MLIP: variants seen among roughly 807,000 people sequenced by gnomAD.
MLIP encodes muscular LMNA-interacting protein.
MLIP carries 79 observed loss-of-function variants against 84.8 expected under a neutral mutation model. The ratio of observed to expected loss-of-function variants is 0.93; its 90% confidence interval spans 0.78 to 1.12. The LOEUF is 1.12. Among genes scored for constraint, MLIP ranks in the 50% most tolerant of loss-of-function variants. The pLI, the probability that MLIP is intolerant of heterozygous loss-of-function variation, is 0.00. For synonymous variants in MLIP, 504 were observed against 463.0 expected (o/e 1.09, Z -1.14); for missense variants, 1,257 against 1,160.6 (o/e 1.08, Z -1.21).
intron 1 of MLIP, among the ~76,000 whole-genome samples, chr6:54,078,438 G>T (rs1205134079): frequency 2.0e-5 from 3 of 151,996 alleles, no homozygotes; most frequent in African/African-American, 7.2e-5. Flanking sequence ...CAAAAAATTA[G>T]CCAGGCATGG....
chr6:54,254,876 C>T (rs1425659819), intron 12 of MLIP, among the ~76,000 whole-genome samples: 1 of 151,192 alleles, frequency 6.6e-6, no homozygotes, highest in Non-Finnish European at 1.5e-5. Flanking sequence ...ACATCAGCCA[C>T]AGTAACTTTT....
At chr6:54,132,178 G>C (rs552844373) in intron 3 of MLIP, among the ~76,000 whole-genome samples, 2 of 152,166 alleles carry the variant, frequency 1.3e-5, no homozygotes, top group Admixed American at 1.3e-4. Flanking sequence ...AAAAGACTGC[G>C]TTTATGATGG....
intron 9 of MLIP, among the ~76,000 whole-genome samples, chr6:54,180,765 G>C (rs747709622): frequency 1.3e-5 from 2 of 152,056 alleles, no homozygotes; most frequent in Non-Finnish European, 2.9e-5. Flanking sequence ...GAATTTCTTT[G>C]AGTAGTCTCA....
rs138759022 is a variant in MLIP at position 54,101,489 on chromosome 6, A to G, written c.64-19958A>G. ...ATGCCCCTTTTATAAAAATAGAACT[A>G]AATTTCATGGAATTTGAGTAAGTTA... On this transcript the variant is annotated intron_variant, in intron 1 of 12. Transcript: ENST00000274897. Among the ~76,000 whole-genome samples the G allele has an allele frequency of 2.4e-3, 369 of 152,236 alleles. 2 individuals are homozygous for G. Among genetic ancestry groups the G allele is most frequent in the African/African-American group, 8.5e-3 (352 of 41,548 alleles).
intron 1 of MLIP, among the ~76,000 whole-genome samples, chr6:54,071,889 G>A (rs892137278): frequency 2.0e-5 from 3 of 152,166 alleles, no homozygotes; most frequent in Non-Finnish European, 4.4e-5. Flanking sequence ...CTGCTTCTTC[G>A]TAGTTCTTTG....
At chr6:54,176,687 A>T (rs1349981681) in intron 9 of MLIP, among the ~76,000 whole-genome samples, 2 of 152,118 alleles carry the variant, frequency 1.3e-5, no homozygotes, top group Non-Finnish European at 2.9e-5. Context: ...TCTTCACAGA[A>T]TTAGAAAAAA....
chr6:54,043,606 AG>A (rs1764870256), intron 1 of MLIP, among the ~76,000 whole-genome samples: 2 of 152,212 alleles, frequency 1.3e-5, no homozygotes, highest in Non-Finnish European at 2.9e-5. Flanking sequence ...ACTGAGCCAG[AG>A]GAATCAGCCT....
chr6:54,236,861 A>C (rs1781399305), intron 12 of MLIP, among the ~76,000 whole-genome samples: 1 of 152,086 alleles, frequency 6.6e-6, no homozygotes, highest in Non-Finnish European at 1.5e-5. Context: ...ATAATATATT[A>C]AATATGTGTC....
intron 13 of MLIP, among the ~76,000 whole-genome samples, chr6:54,259,805 G>A (rs1257851838): frequency 6.6e-6 from 1 of 151,738 alleles, no homozygotes; most frequent in Non-Finnish European, 1.5e-5. Flanking sequence ...AGTAATATTG[G>A]CACATTTTGG....
In MLIP at chr6:54,092,862, G is replaced by A. The variant is rs542374315; in HGVS notation, c.64-28585G>A. ...TATTGCAGGGAAGATGGGCTGCAGA[G>A]TTATTGAATCTATTTTTTTTTTCTT... is the stretch of plus-strand genomic sequence containing the variant. On this transcript the variant is annotated intron_variant, in intron 1 of 12. Coordinates refer to the MLIP transcript ENST00000274897. Among the ~76,000 whole-genome samples, 20 of 152,074 alleles carry A rather than the reference G, an allele frequency of 1.3e-4. No individual in the cohort carries two copies. In the East Asian group the frequency reaches 3.9e-3, roughly 29 times the overall value.
chr6:54,071,195 T>C (rs1582072127), intron 1 of MLIP, among the ~76,000 whole-genome samples: 1 of 152,118 alleles, frequency 6.6e-6, no homozygotes, highest in African/African-American at 2.4e-5. Flanking sequence ...TATCAACTAC[T>C]GTATGGTCTT....
At chr6:54,236,325 G>A (rs1214474162) in intron 12 of MLIP, among the ~76,000 whole-genome samples, 1 of 152,208 alleles carries the variant, frequency 6.6e-6, no homozygotes, top group African/African-American at 2.4e-5. Flanking sequence ...TAAAAGCCAG[G>A]TGCGGTGGCT....
intron 1 of MLIP, among the ~76,000 whole-genome samples, chr6:54,054,831 G>A (rs1189219203): frequency 1.3e-5 from 2 of 151,878 alleles, no homozygotes; most frequent in East Asian, 1.9e-4. Flanking sequence ...CTCTCCTAAC[G>A]CAGAAGTAAT....
chr6:54,190,478 A>G lies in MLIP; in HGVS notation c.2589+564A>G, dbSNP rs987757573. Among the ~76,000 whole-genome samples the G allele has an allele frequency of 1.0e-3, 155 of 152,284 alleles. 1 individual carries two copies. Among genetic ancestry groups the G allele is most frequent in the African/African-American group, 3.6e-3 (150 of 41,558 alleles). ...CATAAAATATTTTATTTAATGTTAT[A>G]TAAATATTATCATTTCAATGGATAA... On this transcript the variant is annotated intron_variant, in intron 10 of 13. Transcript: ENST00000502396.
chr6:54,177,050 C>T (rs1393131703), intron 9 of MLIP, among the ~76,000 whole-genome samples: 1 of 152,036 alleles, frequency 6.6e-6, no homozygotes, highest in Non-Finnish European at 1.5e-5. Context: ...CAAAAATTAA[C>T]TCAAGATGAA....
Position 54,111,544 on chromosome 6 carries a change from T to G in MLIP, c.65T>G (p.Ile22Ser). ...AATTACTTCCAAATGACCTCGTGCA[T>G]CTTATCAGGGAGCATTCAGACCACA... ...GNNYFQMTSC[I>S]LSGSIQTTPQ... Residue 22 changes from isoleucine to serine, a missense_variant, in exon 1 of 14, where the codon ATC (isoleucine) becomes AGC (serine). Ile to Ser is a moderately radical substitution (Grantham distance 142). Coordinates refer to ENST00000502396, the MANE Select transcript of MLIP (RefSeq NM_001281747.2). The G allele has an allele frequency of 6.5e-7, 1 of 1,536,070 alleles. No homozygotes were observed. Among genetic ancestry groups the G allele is most frequent in the Non-Finnish European group, 8.7e-7 (1 of 1,146,864 alleles).
At chr6:54,248,188 A>G (rs1216371279) in intron 12 of MLIP, among the ~76,000 whole-genome samples, 1 of 152,158 alleles carries the variant, frequency 6.6e-6, no homozygotes, top group Non-Finnish European at 1.5e-5. Context: ...AGAGAGAAAA[A>G]TATTCCACCA....
intron 5 of MLIP, among the ~76,000 whole-genome samples, chr6:54,158,133 T>A (rs9474745): frequency 0.3 from 45,278 of 151,922 alleles, 6,984 homozygotes; most frequent in African/African-American, 0.36. Context: ...TGGATGGAGA[T>A]CCCTGGTTGT....
intron 1 of MLIP, among the ~76,000 whole-genome samples, chr6:54,112,120 A>T (rs1211575729): frequency 6.6e-6 from 1 of 152,222 alleles, no homozygotes; most frequent in Non-Finnish European, 1.5e-5. Context: ...TATTTAAATA[A>T]CATTGACAAC....
Sources: gnomAD v4.1 joint callset for allele counts (sites outside exome capture counted in the v4.1 genomes callset) on GRCh38, gnomAD v4.1.1 for gene constraint, MANE v1.5 for transcripts, NCBI Gene and HGNC (gene_info 2026-07-23, HGNC 2026-07-21) for gene names.